Variants in CCDC86 observed in about 807,000 individuals in gnomAD.
CCDC86 encodes the protein coiled-coil domain-containing protein 86.
In CCDC86, 28 loss-of-function variants were observed where a neutral mutation model predicts 36.7. The observed-to-expected ratio is 0.76, with a 90% CI of 0.57 to 1.05. The LOEUF is 1.05. Among genes scored for constraint, CCDC86 ranks in the 50% least tolerant of loss-of-function variants. The pLI, the probability that CCDC86 is intolerant of heterozygous loss-of-function variation, is 0.00. For synonymous variants in CCDC86, 199 were observed against 203.4 expected, an observed-to-expected ratio of 0.98 and a Z score of 0.18; for missense variants, 453 against 470.2, an observed-to-expected ratio of 0.96 and a Z score of 0.34.
chr11:60,846,389 A>G (rs1855182575), intron 1 of CCDC86, among the ~76,000 whole-genome samples: 1 of 151,796 alleles, frequency 6.6e-6, no homozygotes, highest in Admixed American at 6.6e-5. Context: ...AAAGAGAAAG[A>G]CCTAATTTCA....
Position 60,845,208 on chromosome 11 carries a change from G to A in CCDC86, c.758+2326G>A, listed in dbSNP as rs1855168522. 2.0e-5 allele frequency among the ~76,000 whole-genome samples: 3 copies of A among 152,328 alleles called. No homozygotes were observed. The South Asian group carries it at 6.2e-4, about 32-fold the overall frequency. On this transcript the variant is annotated intron_variant, in intron 1 of 3. Transcript: ENST00000227520. ...AGGCTTTCCAGAGGTCTCGCTGCTGGAATGAGGGGGAGAAGGGGAACAGTA... is the reference window on the plus strand; with the variant it reads ...AGGCTTTCCAGAGGTCTCGCTGCTGAAATGAGGGGGAGAAGGGGAACAGTA...
chr11:60,845,639 C>G (rs1297820230), intron 1 of CCDC86, among the ~76,000 whole-genome samples: 1 of 152,234 alleles, frequency 6.6e-6, no homozygotes, highest in Non-Finnish European at 1.5e-5. Flanking sequence ...GGCTGCAGCC[C>G]TGTCTTCGTG....
chr11:60,844,447 C>T (rs923699014), intron 1 of CCDC86, among the ~76,000 whole-genome samples: 3 of 152,204 alleles, frequency 2.0e-5, no homozygotes, highest in African/African-American at 7.2e-5. Flanking sequence ...TTGTCCCCTC[C>T]ATGTTCCTCC....
chr11:60,842,114 C>A lies in CCDC86; in HGVS notation c.-11C>A, dbSNP rs755485309. The A allele has an allele frequency of 6.6e-7, 1 of 1,520,266 alleles. No homozygotes were observed. Among genetic ancestry groups the A allele is most frequent in the Non-Finnish European group, 8.8e-7 (1 of 1,134,038 alleles). 94.2% of individuals were successfully genotyped at this position (1,520,266 alleles called of 1,614,324 possible). ...ACGTGCGCAGGGGTGTGGAAACTTA[C>A]CGGCTGAGCCATGGATACACCGTTA... On this transcript the variant is annotated 5_prime_UTR_variant, in exon 1 of 4. Coordinates refer to ENST00000227520, the MANE Select transcript of CCDC86 (RefSeq NM_024098.4).
chr11:60,849,822 C>T, intron 2 of CCDC86, 118 bp from the exon 3 acceptor site: 1 of 830,844 alleles, frequency 1.2e-6, no homozygotes, highest in Non-Finnish European at 2.0e-6. Flanking sequence ...TGGAGCCTGG[C>T]AGAGAGGGCC....
rs1474471248 is a variant in CCDC86, at chr11:60,842,490, G to A, written c.366G>A (p.Glu122=). ...ESPRCQPKPS[E]EAPKCSQDQG... ...CACGATGTCAGCCGAAGCCAAGTGA[G>A]GAGGCACCAAAGTGTTCTCAGGACC... Residue 122 remains glutamate, a synonymous_variant, in exon 1 of 4, where the codon GAG becomes GAA. Coordinates refer to ENST00000227520, the MANE Select transcript of CCDC86 (RefSeq NM_024098.4). 2 of 1,613,648 alleles carry A rather than the reference G, an allele frequency of 1.2e-6. No homozygotes were observed. The highest frequency in any genetic ancestry group is 1.3e-5 in the African/African-American group (1 of 74,914).
rs563505337 is a variant in CCDC86 at position 60,847,767 on chromosome 11, G to C, written c.759-157G>C. ...CGATCAGGGTTCCCTCCCGCCCCAAGTTTCTGCAGCCCTGGAAGGCCGCCT... is the reference window on the plus strand; with the variant it reads ...CGATCAGGGTTCCCTCCCGCCCCAACTTTCTGCAGCCCTGGAAGGCCGCCT... On this transcript the variant is annotated intron_variant, in intron 1 of 3. Coordinates refer to ENST00000227520, the MANE Select transcript of CCDC86 (RefSeq NM_024098.4). The C allele has an allele frequency of 5.7e-4, 574 of 1,005,098 alleles. 1 individual carries two copies. The highest frequency in any genetic ancestry group is 7.8e-4 in the Non-Finnish European group (549 of 701,410). The allele number at this position is 1,005,098 out of a possible 1,614,324, so 62.3% of individuals were successfully genotyped here.
At chr11:60,847,820 C>T in intron 1 of CCDC86, 104 bp from the exon 2 acceptor site, 1 of 1,417,546 alleles carries the variant, frequency 7.1e-7, no homozygotes, top group Non-Finnish European at 9.4e-7. Flanking sequence ...GTGGTTCTGC[C>T]TGGGCTCTGG....
At chr11:60,847,318 G>T (rs1419298498) in intron 1 of CCDC86, among the ~76,000 whole-genome samples, 1 of 151,924 alleles carries the variant, frequency 6.6e-6, no homozygotes, top group Admixed American at 6.6e-5. Flanking sequence ...ATGTTTGCCC[G>T]GCTGGTCTCC....
chr11:60,849,864 C>A, intron 2 of CCDC86, 76 bp from the exon 3 acceptor site: 1 of 1,265,186 alleles, frequency 7.9e-7, no homozygotes. Context: ...TCTGCCCGCT[C>A]GCACTCTTCT....
Position 60,842,272 on chromosome 11 carries a change from A to T in CCDC86, c.148A>T (p.Ser50Cys), listed in dbSNP as rs199804725. ...AACGAGGGAGCCCGGGTCTCCTCCG[A>T]GTGTGCAGCGGGCTGGCCTGGGGTC... The part of the protein sequence containing the change: ...EETREPGSPP[S>C]VQRAGLGSPE... The change falls in exon 1 of 4, where the codon AGT becomes TGT. Residue 50 changes from serine to cysteine, a missense_variant. Ser to Cys is a moderately radical substitution (Grantham distance 112, BLOSUM62 -1). Coordinates refer to ENST00000227520, the MANE Select transcript of CCDC86 (RefSeq NM_024098.4). 16 of 1,613,408 alleles carry T rather than the reference A, an allele frequency of 9.9e-6. No homozygotes were observed. The East Asian group carries it at 3.3e-4, about 34-fold the overall frequency.
chr11:60,848,320 C>A (rs549999396), intron 2 of CCDC86, among the ~76,000 whole-genome samples: 6 of 152,182 alleles, frequency 3.9e-5, no homozygotes, highest in Non-Finnish European at 7.4e-5. Flanking sequence ...AGGGGGAGGA[C>A]CAGAAGCGGG....
At chr11:60,846,253 C>G (rs944642452) in intron 1 of CCDC86, among the ~76,000 whole-genome samples, 1 of 152,110 alleles carries the variant, frequency 6.6e-6, no homozygotes, top group Non-Finnish European at 1.5e-5. Flanking sequence ...ATGTGGCACC[C>G]CATTCTTAGT....
rs1855235727 is a variant in CCDC86, at chr11:60,849,950, A to G, written c.899A>G (p.Gln300Arg). The G allele has an allele frequency of 7.4e-6, 12 of 1,613,894 alleles. No individual in the cohort carries two copies. The highest frequency in any genetic ancestry group is 2.2e-5 in the East Asian group (1 of 44,880). Reference sequence around the variant, plus strand: ...TCCCACATGTTCCAGGAGAAGAAACAGCGCCGGGCTGAGAACCTGAAACGC... The same window carrying G: ...TCCCACATGTTCCAGGAGAAGAAACGGCGCCGGGCTGAGAACCTGAAACGC... ...EKERRRQEKKQRRAENLKRRL... is the reference protein window; with the variant it reads ...EKERRRQEKKRRRAENLKRRL... Residue 300 changes from glutamine (Q) to arginine (R), a missense_variant, in exon 3 of 4, where the codon CAG (glutamine) becomes CGG (arginine). Gln to Arg is a conservative substitution (Grantham distance 43). Transcript: ENST00000227520.
chr11:60,848,204 C>A, intron 2 of CCDC86, 151 bp downstream of exon 2: 4 of 995,128 alleles, frequency 4.0e-6, no homozygotes, highest in Non-Finnish European at 5.6e-6. Context: ...GGAGGAAGGG[C>A]ACCTGGCCAG....
intron 1 of CCDC86, 95 bp downstream of exon 1, chr11:60,842,977 T>TA: frequency 6.9e-7 from 1 of 1,441,500 alleles, no homozygotes; most frequent in Non-Finnish European, 9.2e-7. Context: ...GCCCCAGGGT[T>TA]AGAGAGAGCT....
chr11:60,842,915 G>C (rs1855142644), intron 1 of CCDC86, 33 bp downstream of exon 1: 1 of 1,531,606 alleles, frequency 6.5e-7, no homozygotes, highest in Admixed American at 2.1e-5. Flanking sequence ...CAGGGGTGGC[G>C]TTCTCTATGG....
chr11:60,847,448 A>G (rs1235389204), intron 1 of CCDC86: 1 of 152,612 alleles, frequency 6.6e-6, no homozygotes, highest in East Asian at 1.9e-4. Flanking sequence ...AACTTTAACC[A>G]CTCACACTGT....
At chr11:60,848,267 A>G (rs942141193) in intron 2 of CCDC86, among the ~76,000 whole-genome samples, 1 of 138,406 alleles carries the variant, frequency 7.2e-6, no homozygotes, top group Non-Finnish European at 1.6e-5. Context: ...GGGACCATAC[A>G]GTTTAGCCTG....
Sources: gnomAD v4.1 joint callset for allele counts (sites outside exome capture counted in the v4.1 genomes callset) on GRCh38, gnomAD v4.1.1 for gene constraint, MANE v1.5 for transcripts, NCBI Gene and HGNC (gene_info 2026-07-23, HGNC 2026-07-21) for gene names.